ANKS1B: variants seen among roughly 807,000 people sequenced by gnomAD.
The protein encoded by ANKS1B is ankyrin repeat and sterile alpha motif domain-containing protein 1B.
A neutral mutation model predicts 148.3 loss-of-function variants in ANKS1B; 36 were observed. The ratio of observed to expected loss-of-function variants is 0.24; its 90% CI spans 0.19 to 0.32. The LOEUF is 0.32. Ranked by LOEUF, ANKS1B falls within the 10% of genes least tolerant of loss-of-function variation. ANKS1B has a pLI of 1.00. For missense variants in ANKS1B, 1,157 were observed against 1,542.6 expected, an observed-to-expected ratio of 0.75 and a Z score of 4.19; for synonymous variants, 542 against 560.8, an observed-to-expected ratio of 0.97 and a Z score of 0.47.
At chr12:99,659,599 G>T (rs2098466112) in intron 8 of ANKS1B, among the ~76,000 whole-genome samples, 1 of 152,008 alleles carries the variant, frequency 6.6e-6, no homozygotes, top group Admixed American at 6.5e-5. Flanking sequence ...GTCTAACATT[G>T]AAGAAATGGG....
chr12:99,782,113 T>C lies in ANKS1B; in HGVS notation c.670-16A>G. ...CCTTTTCTGTCTGGAAAAAAAAAAG[T>C]AAGAAAAAAGAAAGCACGGTTGCAT... On this transcript the variant is annotated splice_polypyrimidine_tract_variant and intron_variant, in intron 4 of 26. Coordinates refer to ENST00000683438, the MANE Select transcript of ANKS1B (RefSeq NM_001352186.2). The C allele has an allele frequency of 6.4e-7, 1 of 1,562,638 alleles. No individual in the cohort carries two copies. The highest frequency in any genetic ancestry group is 1.2e-5 in the South Asian group (1 of 83,610).
intron 16 of ANKS1B, among the ~76,000 whole-genome samples, chr12:99,077,073 A>G (rs1318059650): frequency 6.6e-6 from 1 of 152,212 alleles, no homozygotes; most frequent in Non-Finnish European, 1.5e-5. Flanking sequence ...CAAAACAAAA[A>G]AAACCCCACA....
intron 12 of ANKS1B, among the ~76,000 whole-genome samples, chr12:99,352,792 C>A (rs1271199473): frequency 1.4e-5 from 1 of 72,916 alleles, no homozygotes; most frequent in African/African-American, 8.8e-5. Flanking sequence ...CTCTCATTGG[C>A]AAATTTGCTC....
chr12:99,575,289 C>G (rs904716019), intron 9 of ANKS1B, among the ~76,000 whole-genome samples: 8 of 152,044 alleles, frequency 5.3e-5, no homozygotes, highest in African/African-American at 1.9e-4. Context: ...TCCATACAAA[C>G]TAAACTTCAT....
intron 1 of ANKS1B, among the ~76,000 whole-genome samples, chr12:99,830,833 G>A (rs2083877735): frequency 6.6e-6 from 1 of 151,958 alleles, no homozygotes; most frequent in Non-Finnish European, 1.5e-5. Context: ...AAACCACACA[G>A]GCCTCCTTAA....
chr12:99,890,964 T>G (rs2093070753), intron 1 of ANKS1B, among the ~76,000 whole-genome samples: 1 of 152,232 alleles, frequency 6.6e-6, no homozygotes, highest in Admixed American at 6.5e-5. Context: ...GTGCCCACCA[T>G]AGGAAACCAT....
chr12:98,783,610 C>T (rs930287318), intron 22 of ANKS1B, among the ~76,000 whole-genome samples: 5 of 152,132 alleles, frequency 3.3e-5, no homozygotes, highest in Admixed American at 3.3e-4. Flanking sequence ...ATTGAGCTGA[C>T]TCTTGATGAA....
At chr12:99,589,383 T>C (rs1175204916) in intron 9 of ANKS1B, among the ~76,000 whole-genome samples, 1 of 152,156 alleles carries the variant, frequency 6.6e-6, no homozygotes, top group Non-Finnish European at 1.5e-5. Flanking sequence ...TCATCTGAAG[T>C]TCCCCTTCCC....
intron 2 of ANKS1B, among the ~76,000 whole-genome samples, chr12:99,817,612 A>G (rs2082036932): frequency 6.6e-6 from 1 of 151,582 alleles, no homozygotes; most frequent in South Asian, 2.1e-4. Flanking sequence ...TTGTCATTGT[A>G]CTAATTTACA....
intron 17 of ANKS1B, among the ~76,000 whole-genome samples, chr12:98,885,577 C>T (rs2099737802): frequency 6.6e-6 from 1 of 152,136 alleles, no homozygotes; most frequent in African/African-American, 2.4e-5. Context: ...CCCATCAAGC[C>T]CCAGATTATC....
chr12:99,485,903 T>A (rs1171615886), intron 10 of ANKS1B, among the ~76,000 whole-genome samples: 1 of 152,168 alleles, frequency 6.6e-6, no homozygotes, highest in Non-Finnish European at 1.5e-5. Context: ...ATGATATCTA[T>A]CTCTCTAGAA....
At chr12:99,407,741 T>G (rs531190983) in intron 11 of ANKS1B, among the ~76,000 whole-genome samples, 1 of 145,672 alleles carries the variant, frequency 6.9e-6, no homozygotes, top group South Asian at 2.1e-4. Context: ...CAAAGAAGTC[T>G]CATTTACAAT....
chr12:99,106,974 T>C (rs1262711741), intron 15 of ANKS1B, among the ~76,000 whole-genome samples: 1 of 152,204 alleles, frequency 6.6e-6, no homozygotes, highest in Non-Finnish European at 1.5e-5. Context: ...GCAAGAACTA[T>C]GGTCCAGACG....
chr12:99,982,847 T>C (rs2095723883), intron 1 of ANKS1B, among the ~76,000 whole-genome samples: 3 of 152,234 alleles, frequency 2.0e-5, no homozygotes, highest in East Asian at 3.8e-4. Context: ...ATATGGGGCT[T>C]TTTAAAATCC....
intron 17 of ANKS1B, among the ~76,000 whole-genome samples, chr12:98,903,718 T>C (rs1046109145): frequency 9.2e-5 from 14 of 152,238 alleles, no homozygotes; most frequent in Non-Finnish European, 1.8e-4. Context: ...TTTTTGGCAG[T>C]TGTAACTGTA....
At chr12:99,872,765 G>A (rs1400002158) in intron 1 of ANKS1B, among the ~76,000 whole-genome samples, 3 of 152,086 alleles carry the variant, frequency 2.0e-5, no homozygotes, top group Admixed American at 6.6e-5. Flanking sequence ...TTCAGTAAAT[G>A]TTGCCTCTTC....
chr12:99,749,190 G>A lies in ANKS1B; in HGVS notation c.1128+23732C>T, dbSNP rs1040412634. Among the ~76,000 whole-genome samples, 8 of 152,038 alleles carry A rather than the reference G, an allele frequency of 5.3e-5. 1 individual carries two copies. The highest frequency in any genetic ancestry group is 1.2e-4 in the Non-Finnish European group (8 of 67,984). On this transcript the variant is annotated intron_variant, in intron 8 of 26. Coordinates refer to ENST00000683438, the MANE Select transcript of ANKS1B (RefSeq NM_001352186.2). ...AAGCTTTGACCTGGATACATAATCCGGGGCTAATTAATCAATACATCCATC... is the reference window on the plus strand; with the variant it reads ...AAGCTTTGACCTGGATACATAATCCAGGGCTAATTAATCAATACATCCATC...
At chr12:98,776,024 A>G (rs991684105) in intron 24 of ANKS1B, among the ~76,000 whole-genome samples, 7 of 152,226 alleles carry the variant, frequency 4.6e-5, no homozygotes, top group African/African-American at 1.7e-4. Context: ...GGAGGCAGGT[A>G]TTTTTGAACA....
intron 15 of ANKS1B, among the ~76,000 whole-genome samples, chr12:99,151,344 A>G (rs2074842351): frequency 6.6e-6 from 1 of 152,260 alleles, no homozygotes; most frequent in East Asian, 1.9e-4. Context: ...CCTGGTCGAC[A>G]TGGTGAAACC....
Sources: allele counts gnomAD v4.1 joint callset (sites outside exome capture counted in the v4.1 genomes callset), GRCh38; gene constraint gnomAD v4.1.1; transcripts MANE v1.5; gene names NCBI Gene and HGNC (gene_info 2026-07-23, HGNC 2026-07-21).